The following KDM5B variants were observed in gnomAD, a reference collection of about 807,000 sequenced individuals.
The protein encoded by KDM5B is lysine-specific demethylase 5B.
A neutral mutation model predicts 193.4 loss-of-function variants in KDM5B; 144 were observed. That is an observed-to-expected ratio of 0.74 (90% confidence interval 0.65 to 0.86). The LOEUF (loss-of-function observed/expected upper bound fraction) is 0.86, where lower values mean the gene tolerates loss of function less well. Among genes scored for constraint, KDM5B ranks in the 40% least tolerant of loss-of-function variants. KDM5B has a pLI of 0.00. For missense variants in KDM5B, 1,833 were observed against 1,886.9 expected, an observed-to-expected ratio of 0.97 and a Z score of 0.53; for synonymous variants, 668 against 682.6, an observed-to-expected ratio of 0.98 and a Z score of 0.33.
Position 202,741,560 on chromosome 1 carries a change from G to A in KDM5B, c.2752C>T (p.Arg918Cys), listed in dbSNP as rs1558485282. The A allele has an allele frequency of 3.1e-6, 5 of 1,614,176 alleles. No individual in the cohort carries two copies. The highest frequency in any genetic ancestry group is 1.6e-4 in the Middle Eastern group (1 of 6,062). The stretch of plus-strand genomic sequence containing the variant: ...GCTTGCTGCACCTCTTCTAGCCAAC[G>A]GGCTTGTTCCAAACGGATACGCATC... ...AEMRIRLEQA[R>C]WLEEVQQACL... The change falls in exon 19 of 27, where the codon CGT becomes TGT. Residue 918 changes from arginine (R) to cysteine (C), a missense_variant. Arg to Cys is a radical substitution (Grantham distance 180). Transcript: ENST00000367265.
chr1:202,808,364 C>T lies in KDM5B; in HGVS notation c.-59G>A, dbSNP rs1571469444. Reference sequence around the variant, plus strand: ...GGCTCCGGGACCGAGGCTGCGAGCTCCGCTCGGTCCGAGACCCGTGCAGAC... The same window carrying T: ...GGCTCCGGGACCGAGGCTGCGAGCTTCGCTCGGTCCGAGACCCGTGCAGAC... On this transcript the variant is annotated 5_prime_UTR_variant, in exon 1 of 27. Coordinates refer to ENST00000367265, the MANE Select transcript of KDM5B (RefSeq NM_006618.5). 4 of 1,454,302 alleles carry T rather than the reference C, an allele frequency of 2.8e-6. No individual in the cohort carries two copies. Among genetic ancestry groups the T allele is most frequent in the Non-Finnish European group, 3.7e-6 (4 of 1,095,632 alleles). 90.1% of individuals were successfully genotyped at this position (1,454,302 alleles called of 1,614,324 possible).
intron 13 of KDM5B, among the ~76,000 whole-genome samples, chr1:202,750,021 C>G (rs1655728740): frequency 6.6e-6 from 1 of 152,158 alleles, no homozygotes; most frequent in South Asian, 2.1e-4. Context: ...TAGTACTATA[C>G]AAAGCCTTTA....
chr1:202,748,478 G>A (rs1225426129), intron 14 of KDM5B, among the ~76,000 whole-genome samples: 3 of 151,036 alleles, frequency 2.0e-5, no homozygotes, highest in Admixed American at 1.3e-4. Flanking sequence ...CCACAGACTG[G>A]GAGAAAACAT....
intron 1 of KDM5B, among the ~76,000 whole-genome samples, chr1:202,791,110 T>C (rs1439682527): frequency 6.6e-6 from 1 of 152,212 alleles, no homozygotes; most frequent in Admixed American, 6.5e-5. Flanking sequence ...TACCCTATGA[T>C]ATATTTCAGA....
At chr1:202,777,730 C>A (rs998480772) in intron 1 of KDM5B, among the ~76,000 whole-genome samples, 5 of 152,070 alleles carry the variant, frequency 3.3e-5, no homozygotes, top group African/African-American at 1.2e-4. Context: ...AACTCTACAG[C>A]TCCAATGATC....
At chr1:202,768,540 C>A (rs1233010668) in intron 4 of KDM5B, among the ~76,000 whole-genome samples, 1 of 152,036 alleles carries the variant, frequency 6.6e-6, no homozygotes, top group African/African-American at 2.4e-5. Context: ...TACAAAGCAA[C>A]ACAATGATAA....
intron 1 of KDM5B, among the ~76,000 whole-genome samples, chr1:202,782,713 A>G (rs1440646719): frequency 6.6e-6 from 1 of 152,256 alleles, no homozygotes; most frequent in Non-Finnish European, 1.5e-5. Flanking sequence ...GCCAAAAAGT[A>G]AAACTTGTAC....
chr1:202,762,938 C>G lies in KDM5B; in HGVS notation c.809-130G>C, dbSNP rs368128786. ...TTTTCACATTTTAGTAGCAATAGCACCCAGTATACTTTATTCAAGGGCTCA... is the reference window on the plus strand; with the variant it reads ...TTTTCACATTTTAGTAGCAATAGCAGCCAGTATACTTTATTCAAGGGCTCA... On this transcript the variant is annotated intron_variant, in intron 6 of 26. Coordinates refer to ENST00000367265, the MANE Select transcript of KDM5B (RefSeq NM_006618.5). 4 of 622,616 alleles carry G rather than the reference C, an allele frequency of 6.4e-6. No homozygotes were observed. In the African/African-American group the frequency reaches 7.3e-5, roughly 11 times the overall value. 38.6% of individuals were successfully genotyped at this position (622,616 alleles called of 1,614,324 possible).
At chr1:202,741,000 A>G (rs575255220) in intron 19 of KDM5B, among the ~76,000 whole-genome samples, 188 bp from the exon 20 acceptor site, 3 of 152,290 alleles carry the variant, frequency 2.0e-5, no homozygotes, top group African/African-American at 7.2e-5. Flanking sequence ...TAACTCTCAC[A>G]CATTTCTCTT....
intron 20 of KDM5B, among the ~76,000 whole-genome samples, chr1:202,740,461 C>T (rs1470742008): frequency 7.8e-6 from 1 of 128,218 alleles, no homozygotes; most frequent in Non-Finnish European, 1.8e-5. Flanking sequence ...GGGGGGCTGA[C>T]CCCCTCACCT....
At chr1:202,766,114 T>C (rs886672657) in intron 5 of KDM5B, among the ~76,000 whole-genome samples, 1 of 152,206 alleles carries the variant, frequency 6.6e-6, no homozygotes, top group Non-Finnish European at 1.5e-5. Flanking sequence ...CTTGGGAGGC[T>C]GAGGTGGCAG....
At chr1:202,740,892 T>C in intron 19 of KDM5B, 80 bp from the exon 20 acceptor site, 1 of 1,413,420 alleles carries the variant, frequency 7.1e-7, no homozygotes, top group Non-Finnish European at 9.6e-7. Context: ...AACTAGCATT[T>C]CAAAGGAAAT....
chr1:202,787,928 C>G (rs752283052), intron 1 of KDM5B, among the ~76,000 whole-genome samples: 13 of 151,908 alleles, frequency 8.6e-5, no homozygotes, highest in East Asian at 1.9e-4. Flanking sequence ...TAAATCTGGC[C>G]TCTCACAGAT....
At chr1:202,747,085 C>T (rs1227854480) in intron 14 of KDM5B, among the ~76,000 whole-genome samples, 1 of 152,148 alleles carries the variant, frequency 6.6e-6, no homozygotes, top group African/African-American at 2.4e-5. Flanking sequence ...TTGAGAATGC[C>T]AGTCGTTTAT....
chr1:202,756,958 C>T (rs1656035876), intron 9 of KDM5B, among the ~76,000 whole-genome samples: 1 of 152,084 alleles, frequency 6.6e-6, no homozygotes, highest in African/African-American at 2.4e-5. Flanking sequence ...TGTCTGAGAG[C>T]AATGTAGGCA....
chr1:202,753,087 A>G lies in KDM5B; in HGVS notation c.1539-20T>C. The G allele has an allele frequency of 6.2e-7, 1 of 1,600,658 alleles. No individual in the cohort carries two copies. Among genetic ancestry groups the G allele is most frequent in the East Asian group, 2.2e-5 (1 of 44,724 alleles). On this transcript the variant is annotated intron_variant, in intron 11 of 26. Transcript: ENST00000367265. ...TCACCCCTGGAAATAGATTATAAAA[A>G]TAAATCAATCTGCAACACCAACACA...
Position 202,752,893 on chromosome 1 carries a change from C to T in KDM5B, c.1701+12G>A, listed in dbSNP as rs768061972. On this transcript the variant is annotated intron_variant, in intron 12 of 26. Coordinates refer to ENST00000367265, the MANE Select transcript of KDM5B (RefSeq NM_006618.5). Reference sequence around the variant, plus strand: ...TAAGCTTGAGTGGCAGGAGGATTAACCCAGAACATACAGGCACTTCATGAG... The same window carrying T: ...TAAGCTTGAGTGGCAGGAGGATTAATCCAGAACATACAGGCACTTCATGAG... 6.8e-6 allele frequency: 11 copies of T among 1,608,060 alleles called. No individual in the cohort carries two copies. The highest frequency in any genetic ancestry group is 1.1e-5 in the South Asian group (1 of 89,514).
intron 13 of KDM5B, among the ~76,000 whole-genome samples, chr1:202,750,401 C>T (rs1019651969): frequency 2.0e-5 from 3 of 152,142 alleles, no homozygotes; most frequent in African/African-American, 7.2e-5. Context: ...GCCTCAGCCT[C>T]CCAAGTAATT....
chr1:202,760,567 G>A lies in KDM5B; in HGVS notation c.925C>T (p.Leu309=). Residue 309 remains leucine, a synonymous_variant, in exon 8 of 27, where the codon CTG becomes TTG. Transcript: ENST00000367265. ...CTGCCACATAAAAGACAGACATACA[G>A]GTCCACCTGTAGCAATAAAAGTGGG... is the stretch of plus-strand genomic sequence containing the variant. ...RSKKATNAVD[L]YVCLLCGSGN... is the part of the protein sequence containing the mutation. 3 of 1,607,742 alleles carry A rather than the reference G, an allele frequency of 1.9e-6. No individual in the cohort carries two copies.
Sources: allele counts gnomAD v4.1 joint callset (sites outside exome capture counted in the v4.1 genomes callset), GRCh38; gene constraint gnomAD v4.1.1; transcripts MANE v1.5; gene names NCBI Gene and HGNC (gene_info 2026-07-23, HGNC 2026-07-21).